Variants in STXBP5 observed in about 807,000 individuals in gnomAD.
The protein encoded by STXBP5 is syntaxin binding protein 5.
Under a neutral mutation model 152.4 loss-of-function variants are expected in STXBP5, and 50 were observed. The ratio of observed to expected loss-of-function variants is 0.33; its 90% CI spans 0.26 to 0.42. The LOEUF (loss-of-function observed/expected upper bound fraction) is 0.42. STXBP5 is among the 10% of genes least tolerant of loss of function. The pLI, the probability that STXBP5 is intolerant of heterozygous loss-of-function variation, is 1.00. For missense variants in STXBP5, 1,167 were observed against 1,388.6 expected, an observed-to-expected ratio of 0.84 and a Z score of 2.54; for synonymous variants, 492 against 494.7, an observed-to-expected ratio of 0.99 and a Z score of 0.07.
chr6:147,323,557 A>G (rs923467348), intron 16 of STXBP5, among the ~76,000 whole-genome samples: 3 of 151,898 alleles, frequency 2.0e-5, no homozygotes, highest in African/African-American at 7.3e-5. Context: ...ACACCCGGGT[A>G]ATTTTTGTAT....
intron 23 of STXBP5, 40 bp from the exon 24 acceptor site, chr6:147,363,294 AT>A (rs1785146946): frequency 6.6e-7 from 1 of 1,519,786 alleles, no homozygotes; most frequent in Non-Finnish European, 8.8e-7. Context: ...TACTCTGTTG[AT>A]TAAAATATTT....
chr6:147,390,451 C>A lies in STXBP5; in HGVS notation c.*5696C>A, dbSNP rs1384629661. On this transcript the variant is annotated 3_prime_UTR_variant, in exon 28 of 28. Coordinates refer to ENST00000321680, the MANE Select transcript of STXBP5 (RefSeq NM_001127715.4). ...GGCTCTGATTGGGCAAAATAAAATA[C>A]TCTAATCTCTCCTGAAACTAAACAA... 1.3e-5 allele frequency: 2 copies of A among 151,800 alleles called. No individual in the cohort carries two copies. Among genetic ancestry groups the A allele is most frequent in the African/African-American group, 4.8e-5 (2 of 41,346 alleles). The allele number at this position is 151,800 out of a possible 1,614,324, so 9.4% of individuals were successfully genotyped here.
At chr6:147,316,701 T>G (rs1782661943) in intron 16 of STXBP5, among the ~76,000 whole-genome samples, 1 of 152,166 alleles carries the variant, frequency 6.6e-6, no homozygotes, top group African/African-American at 2.4e-5. Context: ...CCATCAGTGT[T>G]TTTAGTCTTG....
intron 25 of STXBP5, among the ~76,000 whole-genome samples, chr6:147,369,069 C>G (rs571400303): frequency 6.6e-6 from 1 of 151,756 alleles, no homozygotes; most frequent in Non-Finnish European, 1.5e-5. Context: ...CTAACACTAC[C>G]TTATTTCAAG....
chr6:147,365,112 A>G (rs895519557), intron 25 of STXBP5, among the ~76,000 whole-genome samples: 2 of 152,208 alleles, frequency 1.3e-5, no homozygotes, highest in African/African-American at 2.4e-5. Flanking sequence ...GAGGGTGCTT[A>G]ATAAATGTCA....
intron 2 of STXBP5, among the ~76,000 whole-genome samples, chr6:147,229,188 A>G (rs1658481649): frequency 6.6e-6 from 1 of 152,056 alleles, no homozygotes; most frequent in African/African-American, 2.4e-5. Context: ...CTTATGAAAA[A>G]TATTTAAATG....
chr6:147,208,644 A>G (rs1776692441), intron 2 of STXBP5, among the ~76,000 whole-genome samples: 1 of 152,134 alleles, frequency 6.6e-6, no homozygotes. Flanking sequence ...CTTCTAGATA[A>G]AGTATTTTCC....
chr6:147,358,987 T>C, intron 22 of STXBP5, 97 bp from the exon 23 acceptor site: 2 of 1,393,920 alleles, frequency 1.4e-6, no homozygotes, highest in Non-Finnish European at 1.9e-6. Flanking sequence ...TTTTGTCTTC[T>C]TGCAGATTAA....
intron 4 of STXBP5, among the ~76,000 whole-genome samples, chr6:147,258,224 T>C (rs1431942013): frequency 2.0e-5 from 3 of 152,250 alleles, no homozygotes; most frequent in African/African-American, 4.8e-5. Context: ...GTTTGAAATC[T>C]GTTTGTCTCA....
intron 8 of STXBP5, 86 bp from the exon 9 acceptor site, chr6:147,291,008 A>G: frequency 2.1e-6 from 2 of 973,498 alleles, no homozygotes; most frequent in South Asian, 1.9e-5. Flanking sequence ...ATTTCATTAT[A>G]TTTCACTTTC....
chr6:147,248,356 T>C (rs571835616), intron 4 of STXBP5, among the ~76,000 whole-genome samples: 1 of 151,898 alleles, frequency 6.6e-6, no homozygotes, highest in African/African-American at 2.4e-5. Flanking sequence ...AATGCATGAA[T>C]AGCTTACATT....
At chr6:147,356,970 A>T (rs1473963793) in intron 22 of STXBP5, among the ~76,000 whole-genome samples, 1 of 152,194 alleles carries the variant, frequency 6.6e-6, no homozygotes, top group East Asian at 1.9e-4. Flanking sequence ...GACATTCTCA[A>T]CTATAAATCT....
chr6:147,354,928 T>C (rs1784749869), intron 22 of STXBP5, among the ~76,000 whole-genome samples: 1 of 152,170 alleles, frequency 6.6e-6, no homozygotes, highest in Non-Finnish European at 1.5e-5. Flanking sequence ...GCTGCTAATT[T>C]ACATTGGTCA....
intron 21 of STXBP5, among the ~76,000 whole-genome samples, chr6:147,346,747 A>T (rs998279030): frequency 2.0e-5 from 3 of 152,082 alleles, no homozygotes; most frequent in Non-Finnish European, 4.4e-5. Flanking sequence ...AAAAAAAAAA[A>T]TACAAACTTT....
chr6:147,212,729 C>T lies in STXBP5; in HGVS notation c.248+6661C>T, dbSNP rs78179515. 7.2e-3 allele frequency among the ~76,000 whole-genome samples: 1,095 copies of T among 152,240 alleles called. 12 individuals carry two copies. Among genetic ancestry groups the T allele is most frequent in the African/African-American group, 0.025 (1,050 of 41,534 alleles). On this transcript the variant is annotated intron_variant, in intron 2 of 27. Coordinates refer to ENST00000321680, the MANE Select transcript of STXBP5 (RefSeq NM_001127715.4). ...TGTGTCCATTGACTACATTCATAAT[C>T]CAAGTCAGTAGAAGCACAAGTGTAA...
chr6:147,214,365 G>C (rs1026326411), intron 2 of STXBP5, among the ~76,000 whole-genome samples: 3 of 152,086 alleles, frequency 2.0e-5, no homozygotes, highest in Non-Finnish European at 4.4e-5. Flanking sequence ...CACCAGCTCT[G>C]TTTACCATGT....
chr6:147,386,742 TAC>T lies in STXBP5; in HGVS notation c.*1989_*1990del, dbSNP rs1786357269. 1 of 151,810 alleles carries T rather than the reference TAC, an allele frequency of 6.6e-6. No homozygotes were observed. The highest frequency in any genetic ancestry group is 2.4e-5 in the African/African-American group (1 of 41,420). The allele number at this position is 151,810 out of a possible 1,614,324, so 9.4% of individuals were successfully genotyped here. A position where few individuals can be genotyped will look rare whatever the true frequency, so the allele number is the denominator to read the frequency against. ...GAATTGTTAGGTCCTATTTTAAAGG[TAC>T]AGTTTTGTGAATGTCATCAATAAAA... On this transcript the variant is annotated 3_prime_UTR_variant, in exon 28 of 28. Coordinates refer to ENST00000321680, the MANE Select transcript of STXBP5 (RefSeq NM_001127715.4).
intron 2 of STXBP5, among the ~76,000 whole-genome samples, chr6:147,227,102 G>A (rs1295915512): frequency 1.3e-5 from 2 of 152,138 alleles, no homozygotes; most frequent in Non-Finnish European, 2.9e-5. Flanking sequence ...TGTGAGGGAT[G>A]AAAACAAGGC....
chr6:147,351,242 A>G (rs766791020), intron 21 of STXBP5, among the ~76,000 whole-genome samples: 6 of 152,218 alleles, frequency 3.9e-5, no homozygotes, highest in Non-Finnish European at 8.8e-5. Context: ...GATTTTAACA[A>G]GATCTCCATG....
Sources: gnomAD v4.1 joint callset for allele counts (sites outside exome capture counted in the v4.1 genomes callset) on GRCh38, gnomAD v4.1.1 for gene constraint, MANE v1.5 for transcripts, NCBI Gene and HGNC (gene_info 2026-07-23, HGNC 2026-07-21) for gene names.